ELF4: variants seen among roughly 807,000 people sequenced by gnomAD.
ELF4 encodes ETS-related transcription factor Elf-4.
In ELF4, 10 loss-of-function variants were observed where a neutral mutation model predicts 31.7. The ratio of observed to expected loss-of-function variants is 0.32; its 90% confidence interval spans 0.19 to 0.54. The LOEUF (loss-of-function observed/expected upper bound fraction) is 0.54. ELF4 is among the 20% of genes least tolerant of loss of function. ELF4 has a pLI of 0.95. For missense variants in ELF4, 418 were observed against 522.0 expected (o/e 0.80, Z 1.94); for synonymous variants, 208 against 226.7 (o/e 0.92, Z 0.74).
chrX:130,099,182 C>T (rs770074916), intron 1 of ELF4, among the ~76,000 whole-genome samples: 4 of 112,098 alleles, frequency 3.6e-5, no homozygotes, highest in Admixed American at 1.9e-4. Context: ...CTCGCAGCCT[C>T]GGGCCTCCCT....
At chrX:130,079,017 G>A (rs1932863000) in intron 2 of ELF4, among the ~76,000 whole-genome samples, 1 of 110,953 alleles carries the variant, frequency 9.0e-6, no homozygotes. Flanking sequence ...AAAACAGAGT[G>A]TGGAGACTAC....
chrX:130,067,067 C>T lies in ELF4; in HGVS notation c.1646G>A (p.Gly549Asp), dbSNP rs1322665353. ...CTCCATGGGGGCCCCCGTCACCATA[C>T]CCTGAACATAGGAGGAGGACCTCAG... ...GPLRSSSYVQGMVTGAPMEGL... is the reference protein window; with the variant it reads ...GPLRSSSYVQDMVTGAPMEGL... The change falls in exon 9 of 9, where the codon GGT becomes GAT. Residue 549 changes from glycine to aspartate, a missense_variant. Coordinates refer to ENST00000308167, the MANE Select transcript of ELF4 (RefSeq NM_001421.4). The T allele has an allele frequency of 3.3e-6, 4 of 1,211,319 alleles. No homozygotes were observed. Among genetic ancestry groups the T allele is most frequent in the Non-Finnish European group, 4.5e-6 (4 of 894,944 alleles).
chrX:130,097,132 T>C (rs1444792447), intron 1 of ELF4, among the ~76,000 whole-genome samples: 4 of 92,004 alleles, frequency 4.3e-5, no homozygotes, highest in African/African-American at 9.1e-5. Flanking sequence ...TCCATCTCTA[T>C]TAAAAAAAAA....
Position 130,107,735 on chromosome X carries a change from T to C in ELF4, c.-210+2590A>G, listed in dbSNP as rs61174770. ...TATCGTAAGGGCAGCTAGCACTTACTGTGTGCCATGTGCTGTTCTAATAAG... is the reference window on the plus strand; with the variant it reads ...TATCGTAAGGGCAGCTAGCACTTACCGTGTGCCATGTGCTGTTCTAATAAG... On this transcript the variant is annotated intron_variant, in intron 1 of 8. Transcript: ENST00000308167. 5.2e-3 allele frequency among the ~76,000 whole-genome samples: 588 copies of C among 112,896 alleles called. 3 individuals are homozygous for C. The highest frequency in any genetic ancestry group is 0.017 in the African/African-American group (544 of 31,113).
At chrX:130,107,068 T>C (rs1316628415) in intron 1 of ELF4, among the ~76,000 whole-genome samples, 2 of 111,350 alleles carry the variant, frequency 1.8e-5, no homozygotes, top group East Asian at 5.6e-4. Context: ...CTGAGGTCAA[T>C]AGTTCAAGAC....
Position 130,065,984 on chromosome X carries a change from T to TC in ELF4, c.*736dup, listed in dbSNP as rs778887977. 2.5e-4 allele frequency: 44 copies of TC among 172,967 alleles called. 1 individual carries two copies. Among genetic ancestry groups the TC allele is most frequent in the African/African-American group, 1.1e-3 (38 of 33,824 alleles). 14.3% of individuals were successfully genotyped at this position (172,967 alleles called of 1,213,427 possible). On this transcript the variant is annotated 3_prime_UTR_variant, in exon 9 of 9. Coordinates refer to ENST00000308167, the MANE Select transcript of ELF4 (RefSeq NM_001421.4). The stretch of plus-strand genomic sequence containing the variant: ...GGCTGCTCCCAGAGCTGACTTCCCT[T>TC]CCCTCCCTTCGTGGTTTTACCCCAC...
chrX:130,084,218 G>A (rs760963944), intron 1 of ELF4, among the ~76,000 whole-genome samples: 8 of 112,350 alleles, frequency 7.1e-5, no homozygotes, highest in South Asian at 7.2e-4. Flanking sequence ...TTCCTCCTCC[G>A]GGCCAGCCTC....
intron 1 of ELF4, among the ~76,000 whole-genome samples, chrX:130,083,362 GC>G (rs1410733544): frequency 1.3e-3 from 120 of 90,293 alleles, no homozygotes; most frequent in African/African-American, 5.0e-3. Context: ...TGTCCCCCCT[GC>G]CCCCCCAGCC....
chrX:130,083,207 G>GT (rs1226817339), intron 1 of ELF4, among the ~76,000 whole-genome samples: 3 of 107,728 alleles, frequency 2.8e-5, no homozygotes, highest in African/African-American at 1.0e-4. Context: ...GAGAGGCTGA[G>GT]TACTGGGAGG....
chrX:130,088,690 G>A (rs975173811), intron 1 of ELF4, among the ~76,000 whole-genome samples: 13 of 112,032 alleles, frequency 1.2e-4, no homozygotes, highest in Non-Finnish European at 1.7e-4. Context: ...TCCAGCCTGG[G>A]TGACAGAGCG....
intron 1 of ELF4, among the ~76,000 whole-genome samples, chrX:130,109,508 C>T (rs1016806600): frequency 2.7e-5 from 3 of 112,523 alleles, no homozygotes; most frequent in African/African-American, 9.7e-5. Flanking sequence ...GGGTATGGTG[C>T]GGGGCGGGGG....
At chrX:130,099,007 A>T (rs1251308405) in intron 1 of ELF4, among the ~76,000 whole-genome samples, 2 of 112,561 alleles carry the variant, frequency 1.8e-5, no homozygotes, top group Admixed American at 1.9e-4. Flanking sequence ...CACATTTAAG[A>T]TCAAAAGTCA....
intron 2 of ELF4, among the ~76,000 whole-genome samples, chrX:130,079,943 A>G (rs1932871466): frequency 8.9e-6 from 1 of 111,951 alleles, no homozygotes; most frequent in African/African-American, 3.3e-5. Context: ...TAAGGCAAGG[A>G]GGTAGACGGA....
intron 1 of ELF4, among the ~76,000 whole-genome samples, chrX:130,094,598 G>A (rs915953793): frequency 9.2e-5 from 10 of 108,796 alleles, no homozygotes; most frequent in Non-Finnish European, 1.5e-4. Flanking sequence ...AGAGAGCAGG[G>A]TCCCACTTTT....
At chrX:130,082,590 G>A (rs775901580) in intron 1 of ELF4, among the ~76,000 whole-genome samples, 77 of 111,309 alleles carry the variant, frequency 6.9e-4, no homozygotes, top group African/African-American at 2.4e-3. Flanking sequence ...CAGCGCTCAC[G>A]GTGTCACATG....
At chrX:130,084,353 G>A (rs754185363) in intron 1 of ELF4, among the ~76,000 whole-genome samples, 2 of 112,535 alleles carry the variant, frequency 1.8e-5, no homozygotes, top group Admixed American at 9.4e-5. Context: ...CATGGGTCCC[G>A]GGGATGAGAC....
At chrX:130,082,036 T>A (rs1349665711) in intron 1 of ELF4, among the ~76,000 whole-genome samples, 1 of 111,506 alleles carries the variant, frequency 9.0e-6, no homozygotes, top group East Asian at 2.8e-4. Context: ...CCTGTGGGTA[T>A]CTGTATACCC....
intron 8 of ELF4, 44 bp downstream of exon 8, chrX:130,069,256 A>C: frequency 8.3e-7 from 1 of 1,205,388 alleles, no homozygotes; most frequent in East Asian, 3.0e-5. Context: ...GAACCCCAAC[A>C]TGATGTACTA....
intron 1 of ELF4, among the ~76,000 whole-genome samples, chrX:130,088,102 G>A (rs1360720808): frequency 9.0e-6 from 1 of 111,156 alleles, no homozygotes; most frequent in Non-Finnish European, 1.9e-5. Context: ...AGGAAGGGCA[G>A]TTTGGTCTGG....
Sources: gnomAD v4.1 joint callset for allele counts (sites outside exome capture counted in the v4.1 genomes callset) on GRCh38, gnomAD v4.1.1 for gene constraint, MANE v1.5 for transcripts, NCBI Gene and HGNC (gene_info 2026-07-23, HGNC 2026-07-21) for gene names.